The following MPPED2 variants were observed in gnomAD, a reference collection of about 807,000 sequenced individuals.
The protein encoded by MPPED2 is metallophosphoesterase MPPED2.
In MPPED2, 5 loss-of-function variants were observed where a neutral mutation model predicts 33.0. That is an observed-to-expected ratio of 0.15 (90% CI 0.08 to 0.32). MPPED2 has a LOEUF of 0.32. MPPED2 is among the 10% of genes least tolerant of loss of function. The probability of loss-of-function intolerance (pLI) is 1.00; values close to 1 mark genes in which losing one functional copy is unlikely to be tolerated. For synonymous variants in MPPED2, 136 were observed against 141.9 expected (o/e 0.96, Z 0.29); for missense variants, 275 against 372.1 (o/e 0.74, Z 2.15).
intron 2 of MPPED2, among the ~76,000 whole-genome samples, chr11:30,556,413 T>G (rs1955965883): frequency 6.6e-6 from 1 of 152,240 alleles, no homozygotes; most frequent in Admixed American, 6.5e-5. Flanking sequence ...TCAGTGGAAC[T>G]ATCCCAAAAA....
At chr11:30,425,318 T>C (rs1241414244) in intron 4 of MPPED2, among the ~76,000 whole-genome samples, 1 of 152,196 alleles carries the variant, frequency 6.6e-6, no homozygotes, top group Non-Finnish European at 1.5e-5. Flanking sequence ...TCTTTTCCTC[T>C]GCTGGAAAGG....
At chr11:30,399,068 C>G (rs972353703) in intron 6 of MPPED2, among the ~76,000 whole-genome samples, 2 of 152,070 alleles carry the variant, frequency 1.3e-5, no homozygotes, top group African/African-American at 4.8e-5. Flanking sequence ...TTTCATTAAA[C>G]CAACCACCAT....
chr11:30,564,407 G>A (rs1956356652), intron 2 of MPPED2, among the ~76,000 whole-genome samples: 1 of 152,136 alleles, frequency 6.6e-6, no homozygotes, highest in African/African-American at 2.4e-5. Flanking sequence ...AATTTGGTAG[G>A]TACTATACTT....
Position 30,536,273 on chromosome 11 carries a change from C to T in MPPED2, c.129-98G>A. The T allele has an allele frequency of 4.6e-6, 5 of 1,097,378 alleles. No homozygotes were observed. The South Asian group carries it at 1.4e-4, about 30-fold the overall frequency. 68.0% of individuals were successfully genotyped at this position (1,097,378 alleles called of 1,614,324 possible). A position where few individuals can be genotyped will look rare whatever the true frequency, so the allele number is the denominator to read the frequency against. The stretch of plus-strand genomic sequence containing the variant: ...ATTTATTATTATTCGTGAATGCACC[C>T]AGACAAACTGACGCAAAGGCAGAAG... On this transcript the variant is annotated intron_variant, in intron 2 of 6. Coordinates refer to ENST00000358117, the MANE Select transcript of MPPED2 (RefSeq NM_001584.3).
intron 2 of MPPED2, among the ~76,000 whole-genome samples, chr11:30,555,437 G>A (rs1340338149): frequency 6.6e-6 from 1 of 152,150 alleles, no homozygotes; most frequent in Admixed American, 6.5e-5. Flanking sequence ...GTTCTTAGAT[G>A]AGTGACATGG....
chr11:30,478,692 C>T (rs576673076), intron 4 of MPPED2, among the ~76,000 whole-genome samples: 2 of 152,206 alleles, frequency 1.3e-5, no homozygotes, highest in South Asian at 4.2e-4. Flanking sequence ...GATTCTGAGA[C>T]GCTGTAGTCA....
chr11:30,491,880 A>T (rs552402268), intron 4 of MPPED2, among the ~76,000 whole-genome samples: 87 of 152,322 alleles, frequency 5.7e-4, no homozygotes, highest in Non-Finnish European at 8.5e-4. Context: ...CAACCTCTGT[A>T]TTCTTGGTCA....
chr11:30,399,025 G>GATATACC, intron 6 of MPPED2, among the ~76,000 whole-genome samples: 1 of 152,196 alleles, frequency 6.6e-6, no homozygotes, highest in African/African-American at 2.4e-5. Context: ...ACACAAGTCT[G>GATATACC]ATATACCCTG....
chr11:30,433,051 G>A (rs1482959007), intron 4 of MPPED2, among the ~76,000 whole-genome samples: 1 of 152,218 alleles, frequency 6.6e-6, no homozygotes, highest in East Asian at 1.9e-4. Context: ...GATGGCTCTA[G>A]AAGCTGGGTA....
At chr11:30,471,160 T>C (rs1950931153) in intron 4 of MPPED2, among the ~76,000 whole-genome samples, 1 of 152,182 alleles carries the variant, frequency 6.6e-6, no homozygotes, top group South Asian at 2.1e-4. Flanking sequence ...TCTCCGCTTG[T>C]CTTGGGTCTT....
chr11:30,506,120 C>T (rs1435145104), intron 3 of MPPED2, among the ~76,000 whole-genome samples: 1 of 152,104 alleles, frequency 6.6e-6, no homozygotes, highest in Non-Finnish European at 1.5e-5. Flanking sequence ...TCACTGCAAC[C>T]TCCGCCTCCA....
intron 2 of MPPED2, among the ~76,000 whole-genome samples, chr11:30,569,912 C>A (rs1444561481): frequency 6.6e-6 from 1 of 152,126 alleles, no homozygotes; most frequent in Non-Finnish European, 1.5e-5. Flanking sequence ...GTGCTAAAGT[C>A]AAGCCCAAGG....
At chr11:30,567,356 T>C (rs1956490435) in intron 2 of MPPED2, among the ~76,000 whole-genome samples, 1 of 152,216 alleles carries the variant, frequency 6.6e-6, no homozygotes, top group Admixed American at 6.5e-5. Flanking sequence ...CTTAACTCAA[T>C]TGCACGGTTT....
chr11:30,513,022 A>T (rs941374092), intron 3 of MPPED2, among the ~76,000 whole-genome samples: 4 of 152,044 alleles, frequency 2.6e-5, no homozygotes, highest in Non-Finnish European at 4.4e-5. Flanking sequence ...AAGAAAAAAA[A>T]AAAAGTAAAT....
At chr11:30,459,681 G>A (rs1361591559) in intron 4 of MPPED2, among the ~76,000 whole-genome samples, 4 of 152,130 alleles carry the variant, frequency 2.6e-5, no homozygotes, top group South Asian at 2.1e-4. Flanking sequence ...GAAGTAGAAC[G>A]AGTTAACAGT....
chr11:30,415,048 T>C (rs1184697239), intron 5 of MPPED2, among the ~76,000 whole-genome samples: 1 of 152,156 alleles, frequency 6.6e-6, no homozygotes, highest in Non-Finnish European at 1.5e-5. Flanking sequence ...TGGCCTGGAA[T>C]GGAATCCATA....
chr11:30,570,210 G>A (rs1348810129), intron 2 of MPPED2, among the ~76,000 whole-genome samples: 1 of 152,012 alleles, frequency 6.6e-6, no homozygotes, highest in East Asian at 1.9e-4. Flanking sequence ...GTCTGCTGAT[G>A]GCCCAATTCC....
At chr11:30,464,141 CTTGT>C (rs1950612383) in intron 4 of MPPED2, among the ~76,000 whole-genome samples, 1 of 152,086 alleles carries the variant, frequency 6.6e-6, no homozygotes, top group South Asian at 2.1e-4. Flanking sequence ...AATACATCAG[CTTGT>C]TTAAGTTGAT....
intron 5 of MPPED2, 39 bp from the exon 6 acceptor site, chr11:30,414,380 C>G (rs2133750342): frequency 7.5e-7 from 1 of 1,331,694 alleles, no homozygotes; most frequent in Non-Finnish European, 1.1e-6. Flanking sequence ...AATTTTCTTT[C>G]TTCAGGTAAG....
Sources: gnomAD v4.1 joint callset for allele counts (sites outside exome capture counted in the v4.1 genomes callset) on GRCh38, gnomAD v4.1.1 for gene constraint, MANE v1.5 for transcripts, NCBI Gene and HGNC (gene_info 2026-07-23, HGNC 2026-07-21) for gene names.